The following CSMD3 variants were observed in gnomAD, a reference collection of about 807,000 sequenced individuals.
The protein encoded by CSMD3 is CUB and Sushi multiple domains 3.
A neutral mutation model predicts 435.2 loss-of-function variants in CSMD3; 177 were observed. The ratio of observed to expected loss-of-function variants is 0.41; its 90% CI spans 0.36 to 0.46. The LOEUF is 0.46. CSMD3 is among the 20% of genes least tolerant of loss of function. The pLI is 0.34. For missense variants in CSMD3, 4,265 were observed against 4,504.6 expected, an observed-to-expected ratio of 0.95 and a Z score of 1.52; for synonymous variants, 1,656 against 1,520.5, an observed-to-expected ratio of 1.09 and a Z score of -2.07.
At chr8:112,531,186 ACACAG>A (rs1825493556) in intron 27 of CSMD3, among the ~76,000 whole-genome samples, 1 of 152,138 alleles carries the variant, frequency 6.6e-6, no homozygotes, top group Non-Finnish European at 1.5e-5. Context: ...CCACAGCACA[ACACAG>A]CATGCGGCAG....
chr8:113,069,701 T>C (rs1336583812), intron 5 of CSMD3, among the ~76,000 whole-genome samples: 1 of 152,130 alleles, frequency 6.6e-6, no homozygotes, highest in Non-Finnish European at 1.5e-5. Context: ...CAGGGCACAT[T>C]GAAAACTGCA....
At chr8:113,402,311 T>C (rs1175996857) in intron 1 of CSMD3, among the ~76,000 whole-genome samples, 2 of 151,602 alleles carry the variant, frequency 1.3e-5, no homozygotes, top group East Asian at 3.9e-4. Context: ...TGAGTTTGAC[T>C]GTCTTGAGCA....
chr8:112,390,195 TTTTCTTAACCACTGAAA>T lies in CSMD3; in HGVS notation c.5934+452_5934+468del, dbSNP rs557714261. On this transcript the variant is annotated intron_variant, in intron 36 of 70. Coordinates refer to ENST00000297405, the MANE Select transcript of CSMD3 (RefSeq NM_198123.2). ...GTCTGCTGGCAGGTTTCCTGAAAAGTTTTCTTAACCACTGAAATGGTACATAACATAGGGACATTCTG... is the reference window on the plus strand; with the variant it reads ...GTCTGCTGGCAGGTTTCCTGAAAAGTTGGTACATAACATAGGGACATTCTG... Among the ~76,000 whole-genome samples the T allele has an allele frequency of 1.8e-3, 276 of 152,322 alleles. 1 individual carries two copies. Among genetic ancestry groups the T allele is most frequent in the African/African-American group, 6.4e-3 (268 of 41,560 alleles).
rs548208858 is a variant in CSMD3, at chr8:112,830,786, ATT to A, written c.1756-999_1756-998del. Among the ~76,000 whole-genome samples the A allele has an allele frequency of 5.8e-3, 801 of 138,264 alleles. 4 individuals carry two copies. Among genetic ancestry groups the A allele is most frequent in the African/African-American group, 0.02 (731 of 37,306 alleles). 90.7% of individuals were successfully genotyped at this position (138,264 alleles called of 152,430 possible). On this transcript the variant is annotated intron_variant, in intron 11 of 70. Transcript: ENST00000297405. ...TTGGCTTTTTTTTGTTATAATAACA[ATT>A]TTTTTTTTTTTTTTTTTAGATGGAG...
At chr8:113,253,165 G>C (rs1285116099) in intron 3 of CSMD3, among the ~76,000 whole-genome samples, 1 of 152,018 alleles carries the variant, frequency 6.6e-6, no homozygotes, top group African/African-American at 2.4e-5. Flanking sequence ...ACCCAAGATA[G>C]TTCAGTTTCC....
intron 64 of CSMD3, among the ~76,000 whole-genome samples, chr8:112,246,129 C>A (rs1469033195): frequency 6.6e-6 from 1 of 152,026 alleles, no homozygotes; most frequent in Non-Finnish European, 1.5e-5. Flanking sequence ...AGGAATTTTC[C>A]ATATTTAAAT....
intron 9 of CSMD3, among the ~76,000 whole-genome samples, chr8:112,927,002 A>T (rs1197668181): frequency 6.6e-6 from 1 of 152,334 alleles, no homozygotes; most frequent in Non-Finnish European, 1.5e-5. Flanking sequence ...TCTAAAAATT[A>T]AAGTATCTGC....
At chr8:112,790,348 G>A (rs1480668212) in intron 13 of CSMD3, among the ~76,000 whole-genome samples, 1 of 150,862 alleles carries the variant, frequency 6.6e-6, no homozygotes, top group Admixed American at 6.6e-5. Context: ...TTGGAAAATA[G>A]CAAATAAATG....
chr8:112,399,262 C>G (rs1212197358), intron 35 of CSMD3, among the ~76,000 whole-genome samples: 1 of 93,560 alleles, frequency 1.1e-5, no homozygotes, highest in Non-Finnish European at 2.2e-5. Context: ...GTTTTGATTC[C>G]AAATTTTTTT....
intron 28 of CSMD3, among the ~76,000 whole-genome samples, chr8:112,511,050 G>T (rs1287817432): frequency 6.6e-6 from 1 of 152,198 alleles, no homozygotes; most frequent in South Asian, 2.1e-4. Context: ...ACAGGCATAC[G>T]TTAGGGATAT....
chr8:112,536,691 T>A (rs10097797), intron 27 of CSMD3, among the ~76,000 whole-genome samples: 43,273 of 142,620 alleles, frequency 0.3, 7,184 homozygotes, highest in East Asian at 0.46. Flanking sequence ...AGGACTATAA[T>A]TCATGCTGCT....
intron 2 of CSMD3, among the ~76,000 whole-genome samples, chr8:113,304,883 G>A (rs1185305995): frequency 1.5e-5 from 2 of 132,362 alleles, no homozygotes; most frequent in Non-Finnish European, 3.1e-5. Context: ...CCTGCACAAT[G>A]TGCACATGTA....
At chr8:113,019,852 T>C (rs1281902078) in intron 5 of CSMD3, among the ~76,000 whole-genome samples, 1 of 152,112 alleles carries the variant, frequency 6.6e-6, no homozygotes, top group African/African-American at 2.4e-5. Flanking sequence ...TAAATGTTCA[T>C]GACTAGCTTT....
intron 39 of CSMD3, among the ~76,000 whole-genome samples, chr8:112,351,629 A>C (rs1351141355): frequency 6.6e-6 from 1 of 152,012 alleles, no homozygotes; most frequent in Non-Finnish European, 1.5e-5. Context: ...AATAATTTTA[A>C]AATTTTTTCA....
chr8:113,418,345 C>G (rs960999903), intron 1 of CSMD3, among the ~76,000 whole-genome samples: 1 of 152,048 alleles, frequency 6.6e-6, no homozygotes, highest in African/African-American at 2.4e-5. Context: ...AAACTAGGAA[C>G]AGTTTAGTGC....
chr8:112,390,917 G>A, intron 35 of CSMD3, 129 bp from the exon 36 acceptor site: 3 of 875,908 alleles, frequency 3.4e-6, no homozygotes, highest in Non-Finnish European at 5.5e-6. Flanking sequence ...TTTCAAAACT[G>A]ATAAAAGCAA....
chr8:112,251,172 T>C (rs1815223110), intron 63 of CSMD3, among the ~76,000 whole-genome samples: 1 of 151,812 alleles, frequency 6.6e-6, no homozygotes, highest in Non-Finnish European at 1.5e-5. Context: ...ACTTTCAAAA[T>C]TTATTTATTA....
At chr8:112,378,082 C>T (rs1421260061) in intron 38 of CSMD3, among the ~76,000 whole-genome samples, 3 of 151,830 alleles carry the variant, frequency 2.0e-5, no homozygotes, top group Non-Finnish European at 4.4e-5. Context: ...ATGATAAGAT[C>T]CTAAATGCAG....
chr8:113,344,890 T>A (rs949045675), intron 1 of CSMD3, among the ~76,000 whole-genome samples: 1 of 152,152 alleles, frequency 6.6e-6, no homozygotes, highest in African/African-American at 2.4e-5. Context: ...AGAATAATGA[T>A]AATTATTATT....
Sources: allele counts gnomAD v4.1 joint callset (sites outside exome capture counted in the v4.1 genomes callset), GRCh38; gene constraint gnomAD v4.1.1; transcripts MANE v1.5; gene names NCBI Gene and HGNC (gene_info 2026-07-23, HGNC 2026-07-21).